The following ADCY4 variants were observed in gnomAD, a reference collection of about 807,000 sequenced individuals.
ADCY4 encodes adenylate cyclase type 4.
A neutral mutation model predicts 125.5 loss-of-function variants in ADCY4; 111 were observed. That is an observed-to-expected ratio of 0.88 (90% CI 0.76 to 1.04). The LOEUF (loss-of-function observed/expected upper bound fraction) is 1.04, where lower values mean the gene tolerates loss of function less well. Ranked by LOEUF, ADCY4 falls within the 50% of genes least tolerant of loss-of-function variation. The pLI, the probability that ADCY4 is intolerant of heterozygous loss-of-function variation, is 0.00. For synonymous variants in ADCY4, 576 were observed against 586.9 expected, an observed-to-expected ratio of 0.98 and a Z score of 0.27; for missense variants, 1,256 against 1,382.9, an observed-to-expected ratio of 0.91 and a Z score of 1.46.
At chr14:24,327,865 A>C (rs1056421744) in intron 10 of ADCY4, among the ~76,000 whole-genome samples, 2 of 152,218 alleles carry the variant, frequency 1.3e-5, no homozygotes, top group Non-Finnish European at 2.9e-5. Context: ...CAGTATAATA[A>C]AATATAAAAC....
rs760756336 is a variant in ADCY4 at position 24,329,051 on chromosome 14, G to A, written c.1524+10C>T. The stretch of plus-strand genomic sequence containing the variant: ...CTAAGCTCTGGGGCTCAGGATGAAG[G>A]TGCACATACCGGGAGAGGGGTGGAG... On this transcript the variant is annotated intron_variant, in intron 10 of 24. Transcript: ENST00000418030. 2 of 1,612,458 alleles carry A rather than the reference G, an allele frequency of 1.2e-6. No individual in the cohort carries two copies. The highest frequency in any genetic ancestry group is 1.7e-6 in the Non-Finnish European group (2 of 1,179,306).
At chr14:24,329,316 A>T in intron 9 of ADCY4, 82 bp from the exon 10 acceptor site, 1 of 1,576,352 alleles carries the variant, frequency 6.3e-7, no homozygotes, top group Non-Finnish European at 8.6e-7. Context: ...CCAGGAACTC[A>T]ATCTCTGGCA....
intron 3 of ADCY4, 113 bp from the exon 4 acceptor site, chr14:24,332,050 A>AATT: frequency 7.7e-7 from 1 of 1,302,806 alleles, no homozygotes; most frequent in South Asian, 1.8e-5. Context: ...TGAGGGACCT[A>AATT]ACTATTGTGG....
At chr14:24,329,734 G>A in intron 8 of ADCY4, 126 bp downstream of exon 8, 7 of 1,457,178 alleles carry the variant, frequency 4.8e-6, no homozygotes, top group Non-Finnish European at 6.4e-6. Context: ...GATCTCCCAA[G>A]CCCCATATGG....
Position 24,319,608 on chromosome 14 carries a change from G to A in ADCY4, c.2733+134C>T, listed in dbSNP as rs1594647068. On this transcript the variant is annotated intron_variant, in intron 21 of 24. Transcript: ENST00000418030. The surrounding 1 kb of genome is among the most constrained non-coding windows in gnomAD (Gnocchi z 4.5). ...TGTTGCTGGAGTGGGTAGATCTGGG[G>A]GATCAGAGGAGGTGAGGGAGTACTG... 3 of 1,284,314 alleles carry A rather than the reference G, an allele frequency of 2.3e-6. No homozygotes were observed. Among genetic ancestry groups the A allele is most frequent in the East Asian group, 4.9e-5 (2 of 40,802 alleles). 79.6% of individuals were successfully genotyped at this position (1,284,314 alleles called of 1,614,324 possible).
rs910946971 is a variant in ADCY4 at position 24,318,785 on chromosome 14, A to T, written c.2957-7T>A. 5.6e-6 allele frequency: 9 copies of T among 1,614,024 alleles called. No homozygotes were observed. The African/African-American group carries it at 9.3e-5, about 17-fold the overall frequency. On this transcript the variant is annotated splice_region_variant and splice_polypyrimidine_tract_variant and intron_variant, in intron 23 of 24. Coordinates refer to ENST00000418030, the MANE Select transcript of ADCY4 (RefSeq NM_001198568.2). ...ACGGGTCCATGGTTCAACCCTAATGAGGGATGTGGTAATGACAGACTTGGA... is the reference window on the plus strand; with the variant it reads ...ACGGGTCCATGGTTCAACCCTAATGTGGGATGTGGTAATGACAGACTTGGA...
At chr14:24,328,179 CA>C (rs2139213828) in intron 10 of ADCY4, among the ~76,000 whole-genome samples, 1 of 132,824 alleles carries the variant, frequency 7.5e-6, no homozygotes, top group East Asian at 2.1e-4. Context: ...CCAGCGGTAG[CA>C]AAAGGTGTCA....
chr14:24,319,083 G>A lies in ADCY4; in HGVS notation c.2956+15C>T, dbSNP rs765090614. 6.2e-7 allele frequency: 1 copy of A among 1,613,248 alleles called. No individual in the cohort carries two copies. Among genetic ancestry groups the A allele is most frequent in the South Asian group, 1.1e-5 (1 of 91,030 alleles). On this transcript the variant is annotated intron_variant, in intron 23 of 24. Coordinates refer to ENST00000418030, the MANE Select transcript of ADCY4 (RefSeq NM_001198568.2). The surrounding 1 kb of genome is among the most constrained non-coding windows in gnomAD (Gnocchi z 4.5). ...GAGGAGGTACCAGACTGCTGCAGCA[G>A]GGGAAGTCTCTCACCCACTCGCAGG...
At position 24,334,486 on chromosome 14, in the gene ADCY4, C is replaced by A; in HGVS notation, c.159+8G>T. On this transcript the variant is annotated splice_region_variant and intron_variant, in intron 1 of 24. Transcript: ENST00000418030. ...TAGAGACCCTCCCGCAGCAGAGGCT[C>A]GGCTCACCCTGCCGCTGGCCCAGGC... 2 of 1,574,002 alleles carry A rather than the reference C, an allele frequency of 1.3e-6. No homozygotes were observed. The highest frequency in any genetic ancestry group is 8.6e-7 in the Non-Finnish European group (1 of 1,166,628).
In ADCY4 at chr14:24,319,894, G is replaced by A; in HGVS notation, c.2587-6C>T. On this transcript the variant is annotated splice_region_variant and splice_polypyrimidine_tract_variant and intron_variant, in intron 20 of 24. Coordinates refer to ENST00000418030, the MANE Select transcript of ADCY4 (RefSeq NM_001198568.2). This position sits in a 1 kb window ranked among gnomAD's most constrained non-coding sequence, Gnocchi z 4.5. Reference sequence around the variant, plus strand: ...TAGGACTGGTGGTAGAGATCCTGGGGGAACAGGAGACTGGAGTGAGGGGTG... The same window carrying A: ...TAGGACTGGTGGTAGAGATCCTGGGAGAACAGGAGACTGGAGTGAGGGGTG... 1 of 1,612,684 alleles carries A rather than the reference G, an allele frequency of 6.2e-7. No individual in the cohort carries two copies. The highest frequency in any genetic ancestry group is 1.1e-5 in the South Asian group (1 of 91,012).
Position 24,334,708 on chromosome 14 carries a change from C to G in ADCY4, c.-56G>C. The G allele has an allele frequency of 1.4e-6, 2 of 1,390,324 alleles. No homozygotes were observed. Among genetic ancestry groups the G allele is most frequent in the South Asian group, 2.8e-5 (2 of 71,294 alleles). 86.1% of individuals were successfully genotyped at this position (1,390,324 alleles called of 1,614,324 possible). A position where few individuals can be genotyped will look rare whatever the true frequency, so the allele number is the denominator to read the frequency against. Reference sequence around the variant, plus strand: ...CTAGGGCCGGGCGCCGGGTTACCTCCTTCGGCCCGGCGGGCCCCACCTGAG... The same window carrying G: ...CTAGGGCCGGGCGCCGGGTTACCTCGTTCGGCCCGGCGGGCCCCACCTGAG... On this transcript the variant is annotated 5_prime_UTR_variant, in exon 1 of 25. Transcript: ENST00000418030.
At chr14:24,327,319 C>G (rs1177929043) in intron 10 of ADCY4, among the ~76,000 whole-genome samples, 1 of 152,112 alleles carries the variant, frequency 6.6e-6, no homozygotes, top group Non-Finnish European at 1.5e-5. Flanking sequence ...CCCTAATACT[C>G]CCTAGCCTGC....
At position 24,330,021 on chromosome 14, in the gene ADCY4, G is replaced by A; in HGVS notation, c.1059-3C>T. On this transcript the variant is annotated splice_region_variant and splice_polypyrimidine_tract_variant and intron_variant, in intron 7 of 24. Coordinates refer to ENST00000418030, the MANE Select transcript of ADCY4 (RefSeq NM_001198568.2). ...CGCCAGTGGCTGCCCGCAGTTTCCTGAGCAGTGTGTGTGTGGGACAATCTG... is the reference window on the plus strand; with the variant it reads ...CGCCAGTGGCTGCCCGCAGTTTCCTAAGCAGTGTGTGTGTGGGACAATCTG... 3 of 1,613,042 alleles carry A rather than the reference G, an allele frequency of 1.9e-6. No homozygotes were observed. Among genetic ancestry groups the A allele is most frequent in the Non-Finnish European group, 2.5e-6 (3 of 1,179,222 alleles).
chr14:24,331,503 C>G, intron 4 of ADCY4, 147 bp from the exon 5 acceptor site: 1 of 1,109,784 alleles, frequency 9.0e-7, no homozygotes, highest in East Asian at 2.6e-5. Context: ...CAGCAGGGCC[C>G]CAGCACTCCA....
At position 24,319,109 on chromosome 14, in the gene ADCY4, C is replaced by A. The variant is rs1222967873; in HGVS notation, c.2945G>T (p.Arg982Leu). 3 of 1,613,822 alleles carry A rather than the reference C, an allele frequency of 1.9e-6. No individual in the cohort carries two copies. Among genetic ancestry groups the A allele is most frequent in the Non-Finnish European group, 2.5e-6 (3 of 1,180,006 alleles). ...VINKHSFNNF[R>L]LRVGLNHGPV... is the part of the protein sequence containing the mutation. ...GGGAAGTCTCTCACCCACTCGCAGG[C>A]GGAAGTTGTTGAATGAATGCTTGTT... is the stretch of plus-strand genomic sequence containing the variant. The change falls in exon 23 of 25, where the codon CGC becomes CTC. Residue 982 changes from arginine (R) to leucine (L), a missense_variant. Transcript: ENST00000418030. This position sits in a 1 kb window ranked among gnomAD's most constrained non-coding sequence, Gnocchi z 4.5.
At chr14:24,331,432 AGCCCACACT>A in intron 4 of ADCY4, 76 bp from the exon 5 acceptor site, 2 of 1,583,464 alleles carry the variant, frequency 1.3e-6, no homozygotes, top group Non-Finnish European at 1.7e-6. Flanking sequence ...ATCACTCAGG[AGCCCACACT>A]GCCCATCCTA....
intron 3 of ADCY4, 34 bp from the exon 4 acceptor site, chr14:24,331,971 A>C: frequency 6.6e-7 from 1 of 1,508,696 alleles, no homozygotes; most frequent in Non-Finnish European, 8.9e-7. Context: ...AGGGCGCGGG[A>C]CCCGGGTGCT....
chr14:24,322,163 T>A lies in ADCY4; in HGVS notation c.2489A>T (p.Glu830Val). Reference protein sequence around the residue: ...WKKKLRQEREETETMENLTRL... With the variant: ...WKKKLRQEREVTETMENLTRL... Reference sequence around the variant, plus strand: ...AGTCAGGTTCTCCATCGTCTCTGTCTCCTCCCTCTCCTGCCTCAGCTTCTT... The same window carrying A: ...AGTCAGGTTCTCCATCGTCTCTGTCACCTCCCTCTCCTGCCTCAGCTTCTT... Residue 830 changes from glutamate to valine, a missense_variant, in exon 20 of 25, where the codon GAG (glutamate) becomes GTG (valine). Coordinates refer to ENST00000418030, the MANE Select transcript of ADCY4 (RefSeq NM_001198568.2). The A allele has an allele frequency of 6.2e-7, 1 of 1,614,046 alleles. No homozygotes were observed. Among genetic ancestry groups the A allele is most frequent in the Non-Finnish European group, 8.5e-7 (1 of 1,179,990 alleles).
At chr14:24,329,298 AC>A (rs1175187841) in intron 9 of ADCY4, 64 bp from the exon 10 acceptor site, 1 of 1,586,224 alleles carries the variant, frequency 6.3e-7, no homozygotes, top group Non-Finnish European at 8.6e-7. Context: ...TCCACCCCCC[AC>A]TAGGACCCAG....
Sources: allele counts gnomAD v4.1 joint callset (sites outside exome capture counted in the v4.1 genomes callset), GRCh38; gene constraint gnomAD v4.1.1; non-coding constraint Gnocchi (gnomAD v3.1); transcripts MANE v1.5; gene names NCBI Gene and HGNC (gene_info 2026-07-23, HGNC 2026-07-21).